Variants in KCNH5 observed in about 807,000 individuals in gnomAD.
KCNH5 encodes the protein voltage-gated delayed rectifier potassium channel KCNH5.
In KCNH5, 46 loss-of-function variants were observed where a neutral mutation model predicts 96.1. The observed-to-expected ratio is 0.48, with a 90% CI of 0.38 to 0.61. The LOEUF is 0.61. Among genes scored for constraint, KCNH5 ranks in the 20% least tolerant of loss-of-function variants. KCNH5 has a pLI of 0.00. For synonymous variants in KCNH5, 439 were observed against 449.8 expected (o/e 0.98, Z 0.30); for missense variants, 907 against 1,225.8 (o/e 0.74, Z 3.88).
chr14:62,966,866 C>T (rs1566724930), intron 6 of KCNH5, among the ~76,000 whole-genome samples: 1 of 152,186 alleles, frequency 6.6e-6, no homozygotes, highest in Non-Finnish European at 1.5e-5. Flanking sequence ...TTTTTAAAAA[C>T]CTACCTTATA....
At chr14:62,901,406 T>C (rs1300058144) in intron 7 of KCNH5, among the ~76,000 whole-genome samples, 2 of 152,046 alleles carry the variant, frequency 1.3e-5, no homozygotes, top group African/African-American at 4.8e-5. Context: ...AGAACCCAGT[T>C]TCTATTACTG....
intron 8 of KCNH5, among the ~76,000 whole-genome samples, chr14:62,805,854 A>C (rs1886756190): frequency 6.6e-6 from 1 of 152,178 alleles, no homozygotes; most frequent in Non-Finnish European, 1.5e-5. Context: ...ATGAGCAATA[A>C]ATTTTCTTGT....
intron 10 of KCNH5, among the ~76,000 whole-genome samples, chr14:62,724,869 A>C (rs1884890372): frequency 6.6e-6 from 1 of 152,214 alleles, no homozygotes; most frequent in Non-Finnish European, 1.5e-5. Flanking sequence ...TAGAATTTGA[A>C]ACAAAAAAGA....
intron 7 of KCNH5, among the ~76,000 whole-genome samples, chr14:62,919,043 G>C (rs1889330417): frequency 6.6e-6 from 1 of 152,012 alleles, no homozygotes; most frequent in African/African-American, 2.4e-5. Context: ...GTATATACTT[G>C]TATTTGCTGC....
chr14:62,711,857 G>C (rs1393947465), intron 10 of KCNH5, among the ~76,000 whole-genome samples: 2 of 152,150 alleles, frequency 1.3e-5, no homozygotes, highest in African/African-American at 2.4e-5. Flanking sequence ...TAGGTGATCT[G>C]CCACCAGGGA....
chr14:62,719,039 A>T (rs912057495), intron 10 of KCNH5, among the ~76,000 whole-genome samples: 12 of 152,200 alleles, frequency 7.9e-5, no homozygotes, highest in African/African-American at 2.9e-4. Flanking sequence ...AATGGCTGCT[A>T]GGCATAAGGG....
intron 10 of KCNH5, among the ~76,000 whole-genome samples, chr14:62,742,507 C>G (rs1352684047): frequency 6.6e-6 from 1 of 152,146 alleles, no homozygotes. Flanking sequence ...AAAGAGATAT[C>G]TATATACCCT....
chr14:62,802,590 G>GA lies in KCNH5; in HGVS notation c.1570-10_1570-9insT. The GA allele has an allele frequency of 6.2e-7, 1 of 1,611,730 alleles. No homozygotes were observed. The highest frequency in any genetic ancestry group is 8.5e-7 in the Non-Finnish European group (1 of 1,178,232). The stretch of plus-strand genomic sequence containing the variant: ...GGACAGATGGAGAGGACCTAAAGAA[G>GA]GTGAGAGATGAATAAGTGAAAAGGA... On this transcript the variant is annotated splice_polypyrimidine_tract_variant and intron_variant, in intron 8 of 10. Coordinates refer to ENST00000322893, the MANE Select transcript of KCNH5 (RefSeq NM_139318.5).
At chr14:63,025,014 A>T (rs1891499445) in intron 1 of KCNH5, among the ~76,000 whole-genome samples, 1 of 152,078 alleles carries the variant, frequency 6.6e-6, no homozygotes, top group South Asian at 2.1e-4. Context: ...AAATTCAACA[A>T]CACATAGAAG....
At chr14:63,032,977 C>T (rs897949142) in intron 1 of KCNH5, among the ~76,000 whole-genome samples, 1 of 152,120 alleles carries the variant, frequency 6.6e-6, no homozygotes, top group Non-Finnish European at 1.5e-5. Flanking sequence ...AGTCATCCTT[C>T]ACACCTCATC....
chr14:63,004,884 GT>G (rs1223788702), intron 3 of KCNH5, among the ~76,000 whole-genome samples: 1 of 152,134 alleles, frequency 6.6e-6, no homozygotes. Context: ...TCAGGCAAAT[GT>G]TTGTTTATTT....
chr14:62,916,965 C>G (rs1889287319), intron 7 of KCNH5, among the ~76,000 whole-genome samples: 1 of 152,134 alleles, frequency 6.6e-6, no homozygotes, highest in Non-Finnish European at 1.5e-5. Flanking sequence ...CCTGAAAATT[C>G]TAGAATTCAT....
intron 10 of KCNH5, among the ~76,000 whole-genome samples, chr14:62,719,465 G>A (rs549949722): frequency 7.2e-5 from 11 of 152,358 alleles, no homozygotes; most frequent in African/African-American, 2.6e-4. Flanking sequence ...GAATTAAATT[G>A]AAAGGAGTTT....
At chr14:62,798,591 G>A (rs1886586383) in intron 9 of KCNH5, among the ~76,000 whole-genome samples, 1 of 152,168 alleles carries the variant, frequency 6.6e-6, no homozygotes, top group South Asian at 2.1e-4. Context: ...TGTAGGAACT[G>A]AAAGAACTTT....
rs1884323750 is a variant in KCNH5, at chr14:62,700,060, T to C, written c.*7448A>G. On this transcript the variant is annotated 3_prime_UTR_variant, in exon 11 of 11. Coordinates refer to ENST00000322893, the MANE Select transcript of KCNH5 (RefSeq NM_139318.5). Reference sequence around the variant, plus strand: ...GCAGTGACAAAAACATTTAAGAAGTTGCAAAATTAATTCCCATAGTAACAT... The same window carrying C: ...GCAGTGACAAAAACATTTAAGAAGTCGCAAAATTAATTCCCATAGTAACAT... 1 of 152,156 alleles carries C rather than the reference T, an allele frequency of 6.6e-6. No individual in the cohort carries two copies. Among genetic ancestry groups the C allele is most frequent in the Non-Finnish European group, 1.5e-5 (1 of 68,020 alleles). 9.4% of individuals were successfully genotyped at this position (152,156 alleles called of 1,614,324 possible).
intron 10 of KCNH5, among the ~76,000 whole-genome samples, chr14:62,730,304 C>T (rs926951592): frequency 6.6e-6 from 1 of 152,116 alleles, no homozygotes; most frequent in Non-Finnish European, 1.5e-5. Flanking sequence ...ATCTTCTAAT[C>T]CTTATTTTAC....
intron 5 of KCNH5, among the ~76,000 whole-genome samples, chr14:62,982,950 A>G (rs1890637678): frequency 6.6e-6 from 1 of 152,176 alleles, no homozygotes; most frequent in African/African-American, 2.4e-5. Flanking sequence ...GAAGTATTAT[A>G]CAATTGTACA....
rs182712027 is a variant in KCNH5 at position 62,799,542 on chromosome 14, C to T, written c.1822+2787G>A. Reference sequence around the variant, plus strand: ...GAGCTGAGATCACACCATTGCACTCCAGCCTGGGCAACAAGAGTGAAACTC... The same window carrying T: ...GAGCTGAGATCACACCATTGCACTCTAGCCTGGGCAACAAGAGTGAAACTC... On this transcript the variant is annotated intron_variant, in intron 9 of 10. Transcript: ENST00000322893. 1.4e-3 allele frequency among the ~76,000 whole-genome samples: 186 copies of T among 129,448 alleles called. 2 individuals are homozygous for T. The highest frequency in any genetic ancestry group is 5.1e-3 in the African/African-American group (175 of 33,996). 84.9% of individuals were successfully genotyped at this position (129,448 alleles called of 152,430 possible).
chr14:62,882,663 G>A lies in KCNH5; in HGVS notation c.1370-32811C>T, dbSNP rs113539257. Among the ~76,000 whole-genome samples the A allele has an allele frequency of 5.3e-3, 800 of 152,212 alleles. 3 individuals carry two copies. Among genetic ancestry groups the A allele is most frequent in the African/African-American group, 0.018 (767 of 41,518 alleles). On this transcript the variant is annotated intron_variant, in intron 7 of 10. Transcript: ENST00000322893. ...CTTTACAACAGGGTATGGAACATTC[G>A]TTTTACTGTCTTTCTTTTTTAATGT...
Sources: gnomAD v4.1 joint callset for allele counts (sites outside exome capture counted in the v4.1 genomes callset) on GRCh38, gnomAD v4.1.1 for gene constraint, MANE v1.5 for transcripts, NCBI Gene and HGNC (gene_info 2026-07-23, HGNC 2026-07-21) for gene names.